KCTD16: variants seen among roughly 807,000 people sequenced by gnomAD.
KCTD16 encodes potassium channel tetramerization domain containing 16.
Under a neutral mutation model 33.2 loss-of-function variants are expected in KCTD16, and 13 were observed. The observed-to-expected ratio is 0.39, with a 90% confidence interval of 0.25 to 0.62. The LOEUF (loss-of-function observed/expected upper bound fraction) is 0.62, where lower values mean the gene tolerates loss of function less well. Ranked by LOEUF, KCTD16 falls within the 20% of genes least tolerant of loss-of-function variation. KCTD16 has a pLI of 0.50. For missense variants in KCTD16, 441 were observed against 525.1 expected, an observed-to-expected ratio of 0.84 and a Z score of 1.57; for synonymous variants, 197 against 195.3, an observed-to-expected ratio of 1.01 and a Z score of -0.07.
At chr5:144,411,222 G>C (rs1290333901) in intron 3 of KCTD16, among the ~76,000 whole-genome samples, 1 of 152,108 alleles carries the variant, frequency 6.6e-6, no homozygotes, top group African/African-American at 2.4e-5. Context: ...TCCTTGAATA[G>C]CCCAAGGAAA....
chr5:144,390,179 T>C (rs1224433098), intron 3 of KCTD16, among the ~76,000 whole-genome samples: 1 of 152,222 alleles, frequency 6.6e-6, no homozygotes, highest in Non-Finnish European at 1.5e-5. Context: ...TTTAGTACCC[T>C]TTTCTATATG....
At chr5:144,225,681 A>G (rs1303095546) in intron 3 of KCTD16, among the ~76,000 whole-genome samples, 3 of 152,012 alleles carry the variant, frequency 2.0e-5, no homozygotes, top group Admixed American at 2.0e-4. Flanking sequence ...CTTAAACAAG[A>G]TTAATCTTAG....
At chr5:144,468,394 C>T (rs1425246378) in intron 3 of KCTD16, among the ~76,000 whole-genome samples, 1 of 152,124 alleles carries the variant, frequency 6.6e-6, no homozygotes, top group Admixed American at 6.5e-5. Flanking sequence ...CTGATGGATG[C>T]GTGGCTAGTT....
At chr5:144,457,104 A>G (rs1754083656) in intron 3 of KCTD16, among the ~76,000 whole-genome samples, 1 of 152,262 alleles carries the variant, frequency 6.6e-6, no homozygotes. Flanking sequence ...ATGTATTTAA[A>G]TGTAACGCAC....
In KCTD16 at chr5:144,477,567, G is replaced by C. The variant is rs1343920603; in HGVS notation, c.*3453G>C. 6.6e-6 allele frequency: 1 copy of C among 152,000 alleles called. No homozygotes were observed. Among genetic ancestry groups the C allele is most frequent in the African/African-American group, 2.4e-5 (1 of 41,400 alleles). 9.4% of individuals were successfully genotyped at this position (152,000 alleles called of 1,614,324 possible). Reference sequence around the variant, plus strand: ...GTTGCTTGTTCTGGGCCCCATTACTGCCTGCGCTTCTGGATTACTTTTGCT... The same window carrying C: ...GTTGCTTGTTCTGGGCCCCATTACTCCCTGCGCTTCTGGATTACTTTTGCT... On this transcript the variant is annotated 3_prime_UTR_variant, in exon 4 of 4. Coordinates refer to ENST00000512467, the MANE Select transcript of KCTD16 (RefSeq NM_020768.4).
At chr5:144,446,712 A>G (rs1351988297) in intron 3 of KCTD16, among the ~76,000 whole-genome samples, 1 of 152,196 alleles carries the variant, frequency 6.6e-6, no homozygotes. Flanking sequence ...ATTTACAAGA[A>G]AAAAACAAAC....
At chr5:144,184,155 AC>A (rs1752680222) in intron 2 of KCTD16, among the ~76,000 whole-genome samples, 1 of 152,200 alleles carries the variant, frequency 6.6e-6, no homozygotes, top group Admixed American at 6.5e-5. Flanking sequence ...TTTTAAGTAT[AC>A]AGTTCAGTGT....
chr5:144,189,884 GTT>G (rs1181601681), intron 2 of KCTD16, among the ~76,000 whole-genome samples: 6 of 152,136 alleles, frequency 3.9e-5, no homozygotes, highest in Non-Finnish European at 7.4e-5. Flanking sequence ...GCTTTAAAGA[GTT>G]TATGTGGCCT....
At chr5:144,361,202 AT>A (rs1337013096) in intron 3 of KCTD16, among the ~76,000 whole-genome samples, 1 of 151,670 alleles carries the variant, frequency 6.6e-6, no homozygotes, top group African/African-American at 2.4e-5. Flanking sequence ...ATGATTTCCA[AT>A]TTCATCCATG....
intron 3 of KCTD16, among the ~76,000 whole-genome samples, chr5:144,210,472 G>A (rs1401805392): frequency 6.6e-6 from 1 of 152,136 alleles, no homozygotes; most frequent in African/African-American, 2.4e-5. Flanking sequence ...AAGTATTTTA[G>A]ACATGTCCTT....
intron 2 of KCTD16, among the ~76,000 whole-genome samples, chr5:144,201,952 A>C (rs753604613): frequency 1.2e-4 from 18 of 152,254 alleles, no homozygotes; most frequent in Non-Finnish European, 1.8e-4. Flanking sequence ...GAATGTAGAG[A>C]GTGATCACAT....
chr5:144,346,760 C>T (rs1263917501), intron 3 of KCTD16, among the ~76,000 whole-genome samples: 1 of 152,144 alleles, frequency 6.6e-6, no homozygotes, highest in Non-Finnish European at 1.5e-5. Context: ...CTCTTAATCC[C>T]TTGTCAGATA....
intron 2 of KCTD16, among the ~76,000 whole-genome samples, chr5:144,203,473 G>C (rs1753088220): frequency 6.6e-6 from 1 of 152,108 alleles, no homozygotes; most frequent in African/African-American, 2.4e-5. Context: ...AGCCCATCCT[G>C]TTACTCTGGA....
At chr5:144,246,199 T>C (rs1006383167) in intron 3 of KCTD16, among the ~76,000 whole-genome samples, 1 of 152,176 alleles carries the variant, frequency 6.6e-6, no homozygotes, top group Admixed American at 6.5e-5. Context: ...ATTATGTTTA[T>C]AGGGAAGAGT....
intron 3 of KCTD16, among the ~76,000 whole-genome samples, chr5:144,334,983 T>C (rs1417935404): frequency 6.6e-6 from 1 of 152,114 alleles, no homozygotes; most frequent in Non-Finnish European, 1.5e-5. Context: ...TCTCACTATG[T>C]TGCCCAGGCC....
chr5:144,345,216 A>AG (rs1020033082), intron 3 of KCTD16, among the ~76,000 whole-genome samples: 3 of 54,602 alleles, frequency 5.5e-5, no homozygotes, highest in Non-Finnish European at 7.5e-5. Context: ...GGGGTGGGGG[A>AG]GGGGGGAGGG....
intron 3 of KCTD16, among the ~76,000 whole-genome samples, chr5:144,283,155 C>T (rs1034143470): frequency 6.6e-5 from 10 of 152,062 alleles, no homozygotes; most frequent in Non-Finnish European, 1.2e-4. Context: ...TCCATTAACT[C>T]GTCATTTACA....
intron 3 of KCTD16, among the ~76,000 whole-genome samples, chr5:144,466,414 T>C (rs1030908768): frequency 4.6e-5 from 7 of 151,924 alleles, no homozygotes; most frequent in Admixed American, 3.9e-4. Context: ...TTATTTCCAA[T>C]GGGCAGAGGG....
At chr5:144,259,291 AAGC>A (rs1754941251) in intron 3 of KCTD16, among the ~76,000 whole-genome samples, 1 of 130,928 alleles carries the variant, frequency 7.6e-6, no homozygotes, top group Admixed American at 7.7e-5. Context: ...AAAAGGGATG[AAGC>A]ATGTCCTTGG....
Sources: gnomAD v4.1 joint callset for allele counts (sites outside exome capture counted in the v4.1 genomes callset) on GRCh38, gnomAD v4.1.1 for gene constraint, MANE v1.5 for transcripts, NCBI Gene and HGNC (gene_info 2026-07-23, HGNC 2026-07-21) for gene names.